ARMC8: variants seen among roughly 807,000 people sequenced by gnomAD.
The protein encoded by ARMC8 is armadillo repeat containing 8.
In ARMC8, 20 loss-of-function variants were observed where a neutral mutation model predicts 99.3. The ratio of observed to expected loss-of-function variants is 0.20; its 90% CI spans 0.14 to 0.29. The LOEUF is 0.29. Ranked by LOEUF, ARMC8 falls within the 10% of genes least tolerant of loss-of-function variation. The probability of loss-of-function intolerance (pLI) is 1.00; values close to 1 mark genes in which losing one functional copy is unlikely to be tolerated. For missense variants in ARMC8, 569 were observed against 809.5 expected, an observed-to-expected ratio of 0.70 and a Z score of 3.60; for synonymous variants, 263 against 278.3, an observed-to-expected ratio of 0.95 and a Z score of 0.55.
At chr3:138,222,340 A>G (rs1199560455) in intron 3 of ARMC8, among the ~76,000 whole-genome samples, 1 of 152,180 alleles carries the variant, frequency 6.6e-6, no homozygotes, top group Non-Finnish European at 1.5e-5. Flanking sequence ...TGAGTGGGTA[A>G]TTTATTAGGA....
At chr3:138,219,679 T>C (rs745421687) in intron 2 of ARMC8, among the ~76,000 whole-genome samples, 1 of 152,160 alleles carries the variant, frequency 6.6e-6, no homozygotes, top group Non-Finnish European at 1.5e-5. Context: ...TATTAACATC[T>C]TTTTTTCCTT....
At chr3:138,190,588 C>T (rs2043328248) in intron 1 of ARMC8, among the ~76,000 whole-genome samples, 2 of 152,130 alleles carry the variant, frequency 1.3e-5, no homozygotes, top group African/African-American at 4.8e-5. Flanking sequence ...TGCACCCGGC[C>T]GAGATTCTTT....
At chr3:138,240,740 T>C (rs1356692751) in intron 10 of ARMC8, among the ~76,000 whole-genome samples, 1 of 152,214 alleles carries the variant, frequency 6.6e-6, no homozygotes, top group East Asian at 1.9e-4. Flanking sequence ...AAAGCACAGT[T>C]GCCTGCAGTA....
At chr3:138,241,654 G>T (rs2108175216) in intron 10 of ARMC8, 129 bp from the exon 11 acceptor site, 1 of 806,784 alleles carries the variant, frequency 1.2e-6, no homozygotes, top group Non-Finnish European at 1.9e-6. Flanking sequence ...TTATTCTCTA[G>T]AAGTCAGTAA....
intron 18 of ARMC8, among the ~76,000 whole-genome samples, chr3:138,282,878 G>C (rs2050072500): frequency 6.6e-6 from 1 of 152,122 alleles, no homozygotes; most frequent in South Asian, 2.1e-4. Flanking sequence ...TAACCAAAAA[G>C]AGTGCAGATT....
chr3:138,287,575 T>C, intron 19 of ARMC8: 1 of 455,036 alleles, frequency 2.2e-6, no homozygotes, highest in Non-Finnish European at 4.4e-6. Context: ...ATTCAACAAA[T>C]ATTGATTGAT....
intron 2 of ARMC8, among the ~76,000 whole-genome samples, chr3:138,215,869 G>GTT (rs887425968): frequency 8.1e-5 from 12 of 148,800 alleles, no homozygotes; most frequent in African/African-American, 3.0e-4. Flanking sequence ...TTTATTTATT[G>GTT]TTTTTTTTTG....
chr3:138,215,606 G>T (rs1322418226), intron 2 of ARMC8, among the ~76,000 whole-genome samples: 1 of 152,102 alleles, frequency 6.6e-6, no homozygotes, highest in Non-Finnish European at 1.5e-5. Context: ...TCCTTGGAAT[G>T]ATTAAATATA....
Position 138,187,403 on chromosome 3 carries a change from C to A in ARMC8, c.-152C>A, listed in dbSNP as rs199626987. 7.2e-6 allele frequency: 5 copies of A among 697,540 alleles called. No individual in the cohort carries two copies. The highest frequency in any genetic ancestry group is 5.6e-5 in the East Asian group (2 of 35,644). The allele number at this position is 697,540 out of a possible 1,614,324, so 43.2% of individuals were successfully genotyped here. On this transcript the variant is annotated 5_prime_UTR_variant, in exon 1 of 22. Coordinates refer to ENST00000469044, the MANE Select transcript of ARMC8 (RefSeq NM_001363941.2). ...CCCTTTTGCCCTTCTTTCTGCGGGC[C>A]TTTCCGGTACTTGAGCGGTGTCCAG...
At chr3:138,246,767 A>T (rs2046900237) in intron 12 of ARMC8, 1 of 985,072 alleles carries the variant, frequency 1.0e-6, no homozygotes, top group Non-Finnish European at 1.2e-6. Flanking sequence ...GCAACATGAC[A>T]GTCTAATCAG....
intron 6 of ARMC8, among the ~76,000 whole-genome samples, chr3:138,233,531 A>C (rs918899069): frequency 2.6e-5 from 4 of 152,102 alleles, no homozygotes; most frequent in Non-Finnish European, 5.9e-5. Flanking sequence ...TAAGAAACTC[A>C]AAGTTAGAAA....
At chr3:138,202,084 C>G (rs1415285172) in intron 1 of ARMC8, among the ~76,000 whole-genome samples, 1 of 152,092 alleles carries the variant, frequency 6.6e-6, no homozygotes, top group South Asian at 2.1e-4. Flanking sequence ...TTCAAACTTC[C>G]TATTTTTGTG....
intron 1 of ARMC8, 86 bp from the exon 2 acceptor site, chr3:138,209,731 A>T: frequency 8.9e-7 from 1 of 1,128,932 alleles, no homozygotes; most frequent in Non-Finnish European, 1.3e-6. Flanking sequence ...AAGTTAAATT[A>T]TCTAGTCACT....
rs773991603 is a variant in ARMC8, at chr3:138,270,063, A to G, written c.1410A>G (p.Val470=). 5.6e-6 allele frequency: 9 copies of G among 1,613,138 alleles called. No homozygotes were observed. Among genetic ancestry groups the G allele is most frequent in the Non-Finnish European group, 7.6e-6 (9 of 1,179,350 alleles). The part of the protein sequence containing the change: ...SKEPILESGA[V]ELLCGLTQSE... ...AGCCAATTTTGGAATCAGGAGCCGT[A>G]GAGCTACTTTGTGGATTAACTCAGA... Residue 470 remains valine (V), a synonymous_variant, in exon 16 of 22, where the codon GTA becomes GTG. Transcript: ENST00000469044.
chr3:138,193,950 AT>A (rs1342448419), intron 1 of ARMC8, among the ~76,000 whole-genome samples: 1 of 152,034 alleles, frequency 6.6e-6, no homozygotes, highest in East Asian at 1.9e-4. Flanking sequence ...AAGGTAACAA[AT>A]TGTCTTTGAA....
At chr3:138,278,581 G>A (rs2049545221) in intron 18 of ARMC8, among the ~76,000 whole-genome samples, 1 of 151,908 alleles carries the variant, frequency 6.6e-6, no homozygotes, top group Non-Finnish European at 1.5e-5. Context: ...TCATAATTCT[G>A]TTCTCATTTC....
chr3:138,280,496 T>C (rs2049786393), intron 18 of ARMC8, among the ~76,000 whole-genome samples: 1 of 149,142 alleles, frequency 6.7e-6, no homozygotes, highest in Admixed American at 6.7e-5. Context: ...TTCTTTTTTT[T>C]CTTTTTTTTT....
In ARMC8 at chr3:138,262,568, G is replaced by A. The variant is rs761767101; in HGVS notation, c.1135-1171G>A. The stretch of plus-strand genomic sequence containing the variant: ...GTCTAGGTCAGTGATCTTCAACCTT[G>A]GCTGTGTACTGGACTCACCTGAGGA... On this transcript the variant is annotated intron_variant, in intron 12 of 21. Coordinates refer to ENST00000469044, the MANE Select transcript of ARMC8 (RefSeq NM_001363941.2). 10 of 1,611,590 alleles carry A rather than the reference G, an allele frequency of 6.2e-6. No individual in the cohort carries two copies. In the East Asian group the frequency reaches 2.0e-4, roughly 32 times the overall value.
intron 1 of ARMC8, among the ~76,000 whole-genome samples, chr3:138,197,623 A>G (rs752372645): frequency 8.5e-5 from 13 of 152,180 alleles, no homozygotes; most frequent in Non-Finnish European, 1.5e-4. Flanking sequence ...ATGAACCTCA[A>G]CCAATCCAGA....
Sources: allele counts gnomAD v4.1 joint callset (sites outside exome capture counted in the v4.1 genomes callset), GRCh38; gene constraint gnomAD v4.1.1; transcripts MANE v1.5; gene names NCBI Gene and HGNC (gene_info 2026-07-23, HGNC 2026-07-21).